Variants in CADM2 observed in about 807,000 individuals in gnomAD.
CADM2 encodes the protein immunoglobulin superfamily member 4D.
In CADM2, 12 loss-of-function variants were observed where a neutral mutation model predicts 49.8. That is an observed-to-expected ratio of 0.24 (90% CI 0.15 to 0.39). CADM2 has a LOEUF of 0.39. Ranked by LOEUF, CADM2 falls within the 10% of genes least tolerant of loss-of-function variation. The probability of loss-of-function intolerance (pLI) is 1.00; values close to 1 mark genes in which losing one functional copy is unlikely to be tolerated. For synonymous variants in CADM2, 214 were observed against 175.4 expected, an observed-to-expected ratio of 1.22 and a Z score of -1.74; for missense variants, 378 against 492.3, an observed-to-expected ratio of 0.77 and a Z score of 2.20.
chr3:85,165,767 T>C (rs1171500403), intron 1 of CADM2, among the ~76,000 whole-genome samples: 1 of 151,820 alleles, frequency 6.6e-6, no homozygotes, highest in Non-Finnish European at 1.5e-5. Flanking sequence ...TAACTATTTT[T>C]CTCAGAAAGT....
At chr3:85,661,296 A>G (rs967873558) in intron 1 of CADM2, among the ~76,000 whole-genome samples, 29 of 152,132 alleles carry the variant, frequency 1.9e-4, no homozygotes, top group African/African-American at 6.5e-4. Flanking sequence ...TGATTAGCTC[A>G]AGGACTAGCT....
intron 1 of CADM2, among the ~76,000 whole-genome samples, chr3:84,984,240 C>T (rs1383372077): frequency 6.6e-6 from 1 of 151,014 alleles, no homozygotes; most frequent in Non-Finnish European, 1.5e-5. Context: ...AAAAGTGTAA[C>T]ATGTCCAAAG....
intron 2 of CADM2, among the ~76,000 whole-genome samples, chr3:85,775,253 G>T (rs2070304653): frequency 6.6e-6 from 1 of 151,766 alleles, no homozygotes; most frequent in South Asian, 2.1e-4. Context: ...TTTGTCTCAT[G>T]ACATTTACAA....
At chr3:85,828,550 C>T (rs1290537320) in intron 3 of CADM2, among the ~76,000 whole-genome samples, 1 of 151,872 alleles carries the variant, frequency 6.6e-6, no homozygotes, top group Non-Finnish European at 1.5e-5. Flanking sequence ...CAAAAGTCTA[C>T]TCAGCTAGAA....
rs561251728 is a variant in CADM2 at position 85,879,823 on chromosome 3, T to C, written c.239-3468T>C. 2.6e-5 allele frequency among the ~76,000 whole-genome samples: 4 copies of C among 152,256 alleles called. No homozygotes were observed. The South Asian group carries it at 8.3e-4, about 32-fold the overall frequency. On this transcript the variant is annotated intron_variant, in intron 3 of 9. Coordinates refer to ENST00000383699, the MANE Select transcript of CADM2 (RefSeq NM_001167675.2). ...ATAGTCTTACTTGGCTTTCATCAGT[T>C]TTACATGTATTTATTTTTGTGTGCA... is the stretch of plus-strand genomic sequence containing the variant.
intron 1 of CADM2, among the ~76,000 whole-genome samples, chr3:85,277,220 A>C (rs2106871428): frequency 6.6e-6 from 1 of 151,470 alleles, no homozygotes; most frequent in East Asian, 1.9e-4. Flanking sequence ...ATAATGTCAT[A>C]GTAGAAGAGC....
At chr3:85,913,345 T>C (rs1717874006) in intron 6 of CADM2, among the ~76,000 whole-genome samples, 1 of 152,274 alleles carries the variant, frequency 6.6e-6, no homozygotes, top group African/African-American at 2.4e-5. Context: ...GAATAGAGGA[T>C]AGGAGATAAT....
At chr3:85,777,834 C>T (rs1037775255) in intron 2 of CADM2, among the ~76,000 whole-genome samples, 15 of 152,072 alleles carry the variant, frequency 9.9e-5, no homozygotes, top group Non-Finnish European at 2.9e-5. Context: ...TGATAAAAGC[C>T]GGTCTGTACC....
At chr3:85,470,646 T>C (rs1327122725) in intron 1 of CADM2, among the ~76,000 whole-genome samples, 1 of 152,150 alleles carries the variant, frequency 6.6e-6, no homozygotes, top group Non-Finnish European at 1.5e-5. Flanking sequence ...AAAAACATTC[T>C]CCCAAGTTAT....
chr3:85,837,417 G>A (rs952023620), intron 3 of CADM2, among the ~76,000 whole-genome samples: 1 of 151,326 alleles, frequency 6.6e-6, no homozygotes, highest in African/African-American at 2.4e-5. Context: ...TAATTAGGGG[G>A]AAAAAAACAG....
intron 1 of CADM2, among the ~76,000 whole-genome samples, chr3:85,161,579 A>G (rs1045924281): frequency 2.0e-5 from 3 of 151,352 alleles, no homozygotes; most frequent in African/African-American, 7.3e-5. Flanking sequence ...TTTAATGTAT[A>G]AAAAAAAATG....
intron 8 of CADM2, among the ~76,000 whole-genome samples, chr3:85,995,460 C>G (rs1729264772): frequency 6.6e-6 from 1 of 152,012 alleles, no homozygotes; most frequent in Non-Finnish European, 1.5e-5. Flanking sequence ...CTAAGTTTGT[C>G]ATAATACCCC....
chr3:85,586,584 A>G (rs1357533781), intron 1 of CADM2, among the ~76,000 whole-genome samples: 2 of 152,154 alleles, frequency 1.3e-5, no homozygotes, highest in Non-Finnish European at 2.9e-5. Flanking sequence ...ATTACAATTT[A>G]TCTTGGGAGC....
intron 1 of CADM2, among the ~76,000 whole-genome samples, chr3:85,369,714 T>C (rs2033058907): frequency 2.0e-5 from 3 of 152,182 alleles, no homozygotes; most frequent in Admixed American, 2.0e-4. Flanking sequence ...CTGTTTCCTC[T>C]AATCTATGGA....
intron 1 of CADM2, among the ~76,000 whole-genome samples, chr3:85,342,102 C>A (rs2029900950): frequency 6.6e-6 from 1 of 151,832 alleles, no homozygotes; most frequent in African/African-American, 2.4e-5. Context: ...AAAATTTTTG[C>A]AATCTATCCA....
chr3:85,131,546 C>CA (rs1418979409), intron 1 of CADM2, among the ~76,000 whole-genome samples: 1 of 152,132 alleles, frequency 6.6e-6, no homozygotes, highest in East Asian at 1.9e-4. Flanking sequence ...CAAATGTTTT[C>CA]ATGCATATTT....
intron 1 of CADM2, among the ~76,000 whole-genome samples, chr3:85,207,026 A>T (rs766545193): frequency 1.3e-5 from 2 of 150,866 alleles, no homozygotes; most frequent in African/African-American, 4.9e-5. Context: ...TACTAGGCAG[A>T]ATCAGTTACT....
At position 85,460,034 on chromosome 3, in the gene CADM2, A is replaced by G. The variant is rs4856574; in HGVS notation, c.62-266488A>G. Reference sequence around the variant, plus strand: ...TAGGCTTTACGTGAAGAAACCTTAGATACTGTAAAAAATGTTTTCATCTCT... The same window carrying G: ...TAGGCTTTACGTGAAGAAACCTTAGGTACTGTAAAAAATGTTTTCATCTCT... On this transcript the variant is annotated intron_variant, in intron 1 of 9. Coordinates refer to ENST00000383699, the MANE Select transcript of CADM2 (RefSeq NM_001167675.2). 5.6e-3 allele frequency among the ~76,000 whole-genome samples: 853 copies of G among 152,322 alleles called. 35 individuals are homozygous for G. Among genetic ancestry groups the G allele is most frequent in the Admixed American group, 0.049 (743 of 15,296 alleles).
Position 85,831,264 on chromosome 3 carries a change from A to G in CADM2, c.238+29068A>G, listed in dbSNP as rs542302267. On this transcript the variant is annotated intron_variant, in intron 3 of 9. Transcript: ENST00000383699. The stretch of plus-strand genomic sequence containing the variant: ...GCATCTAGGTTGATTTCATGTCTTT[A>G]GTATTGTGACTAGTGCTGCAATGAA... Among the ~76,000 whole-genome samples the G allele has an allele frequency of 2.6e-5, 4 of 152,028 alleles. No individual in the cohort carries two copies. In the South Asian group the frequency reaches 8.3e-4, roughly 32 times the overall value.
Sources: gnomAD v4.1 joint callset for allele counts (sites outside exome capture counted in the v4.1 genomes callset) on GRCh38, gnomAD v4.1.1 for gene constraint, MANE v1.5 for transcripts, NCBI Gene and HGNC (gene_info 2026-07-23, HGNC 2026-07-21) for gene names.